The following COMMD9 variants were observed in gnomAD, a reference collection of about 807,000 sequenced individuals.
The protein encoded by COMMD9 is COMM domain-containing protein 9.
A neutral mutation model predicts 23.4 loss-of-function variants in COMMD9; 22 were observed. That is an observed-to-expected ratio of 0.94 (90% CI 0.67 to 1.34). The LOEUF is 1.34. Ranked by LOEUF, COMMD9 falls within the 40% of genes most tolerant of loss-of-function variation. COMMD9 has a pLI of 0.00. For missense variants in COMMD9, 231 were observed against 240.2 expected, an observed-to-expected ratio of 0.96 and a Z score of 0.25; for synonymous variants, 99 against 97.4, an observed-to-expected ratio of 1.02 and a Z score of -0.10.
intron 1 of COMMD9, among the ~76,000 whole-genome samples, chr11:36,288,632 C>T (rs1335008379): frequency 1.3e-5 from 2 of 152,062 alleles, no homozygotes; most frequent in East Asian, 1.9e-4. Flanking sequence ...GAAACCCCGT[C>T]TCTACTAAAA....
intron 1 of COMMD9, among the ~76,000 whole-genome samples, chr11:36,285,488 C>T (rs1229725551): frequency 6.6e-6 from 1 of 152,078 alleles, no homozygotes; most frequent in East Asian, 1.9e-4. Context: ...TGATGGAGTA[C>T]TCTCTAAATG....
intron 1 of COMMD9, 33 bp downstream of exon 1, chr11:36,289,329 C>G: frequency 6.5e-7 from 1 of 1,544,160 alleles, no homozygotes; most frequent in Non-Finnish European, 8.8e-7. Flanking sequence ...AGACAAAGGG[C>G]CACCTCACGC....
rs1855900607 is a variant in COMMD9, at chr11:36,272,808, C to T, written c.*1824G>A. 1 of 152,142 alleles carries T rather than the reference C, an allele frequency of 6.6e-6. No individual in the cohort carries two copies. Among genetic ancestry groups the T allele is most frequent in the African/African-American group, 2.4e-5 (1 of 41,428 alleles). The allele number at this position is 152,142 out of a possible 1,614,324, so 9.4% of individuals were successfully genotyped here. On this transcript the variant is annotated 3_prime_UTR_variant, in exon 6 of 6. Transcript: ENST00000263401. ...AGAATTATATGTTCCTTGCAAAGTC[C>T]TGTGTTGTAAAGAGAAAGCTAGAGA...
At position 36,276,181 on chromosome 11, in the gene COMMD9, T is replaced by C; in HGVS notation, c.412A>G (p.Ser138Gly). The C allele has an allele frequency of 6.2e-7, 1 of 1,614,188 alleles. No individual in the cohort carries two copies. Among genetic ancestry groups the C allele is most frequent in the Non-Finnish European group, 8.5e-7 (1 of 1,180,022 alleles). The change falls in exon 5 of 6, where the codon AGC (serine) becomes GGC (glycine). Residue 138 changes from serine (S) to glycine (G), a missense_variant. Coordinates refer to ENST00000263401, the MANE Select transcript of COMMD9 (RefSeq NM_014186.4). ...GTGGGGACGGCCATGCGGCTGATGCTGTCTGAGGAGGTTTTGATATCCACT... is the reference window on the plus strand; with the variant it reads ...GTGGGGACGGCCATGCGGCTGATGCCGTCTGAGGAGGTTTTGATATCCACT... ...WRVDIKTSSDSISRMAVPTCL... is the reference protein window; with the variant it reads ...WRVDIKTSSDGISRMAVPTCL...
Position 36,280,783 on chromosome 11 carries a change from C to T in COMMD9, c.106G>A (p.Ala36Thr). The change falls in exon 2 of 6, where the codon GCC becomes ACC. Residue 36 changes from alanine (A) to threonine (T), a missense_variant. By Grantham distance (58) the Ala-to-Thr change is moderately conservative. Coordinates refer to ENST00000263401, the MANE Select transcript of COMMD9 (RefSeq NM_014186.4). ...TCCAAGAGTTTTTTCAAGCCAAGGG[C>T]TGAACTGGAAAAGCTTTCTTGACAC... ...QLCQESFSSSALGLKKLLDVT... is the reference protein window; with the variant it reads ...QLCQESFSSSTLGLKKLLDVT... 2.5e-6 allele frequency: 4 copies of T among 1,610,138 alleles called. No individual in the cohort carries two copies. Among genetic ancestry groups the T allele is most frequent in the Non-Finnish European group, 3.4e-6 (4 of 1,177,346 alleles).
In COMMD9 at chr11:36,274,666, A is replaced by T; in HGVS notation, c.563T>A (p.Ile188Asn). 1 of 1,614,262 alleles carries T rather than the reference A, an allele frequency of 6.2e-7. No homozygotes were observed. The change falls in exon 6 of 6, where the codon ATC (isoleucine) becomes AAC (asparagine). Residue 188 changes from isoleucine (I) to asparagine (N), a missense_variant. By Grantham distance (149) the Ile-to-Asn change is moderately radical. Transcript: ENST00000263401. The stretch of plus-strand genomic sequence containing the variant: ...GGCCACGGCAGAGAGTTGGTCTCGG[A>T]TGCGGCCCAGGCCATCTAACATGGT... The part of the protein sequence containing the change: ...LDTMLDGLGR[I>N]RDQLSAVASK
chr11:36,277,060 AAGGG>A lies in COMMD9; in HGVS notation c.352+25_352+28del, dbSNP rs773314763. On this transcript the variant is annotated intron_variant, in intron 4 of 5. Coordinates refer to ENST00000263401, the MANE Select transcript of COMMD9 (RefSeq NM_014186.4). ...AGCTGGGGCTGGGGAGACAAGTAAGAAGGGAGGGGCAGATTTATTGGTACTCACT... is the reference window on the plus strand; with the variant it reads ...AGCTGGGGCTGGGGAGACAAGTAAGAAGGGGCAGATTTATTGGTACTCACT... The A allele has an allele frequency of 5.0e-6, 8 of 1,589,770 alleles. No homozygotes were observed. In the East Asian group the frequency reaches 1.6e-4, roughly 32 times the overall value.
At position 36,280,785 on chromosome 11, in the gene COMMD9, G is replaced by T; in HGVS notation, c.104C>A (p.Ser35Ter). 6.2e-7 allele frequency: 1 copy of T among 1,609,640 alleles called. No homozygotes were observed. The highest frequency in any genetic ancestry group is 8.5e-7 in the Non-Finnish European group (1 of 1,177,134). Residue 35 changes from serine to a stop codon, truncating the protein, a stop_gained, in exon 2 of 6, where the codon TCA becomes TAA. Transcript: ENST00000263401. LOFTEE classifies it high-confidence loss of function. ...RQLCQESFSS[S>*]ALGLKKLLDV... ...CAAGAGTTTTTTCAAGCCAAGGGCT[G>T]AACTGGAAAAGCTTTCTTGACACAG...
chr11:36,277,165 G>A, intron 3 of COMMD9, 42 bp from the exon 4 acceptor site: 1 of 1,488,812 alleles, frequency 6.7e-7, no homozygotes, highest in African/African-American at 1.4e-5. Context: ...ATGGAAAGGG[G>A]ATGAGACTGA....
At chr11:36,276,270 C>G (rs1855971577) in intron 4 of COMMD9, 30 bp from the exon 5 acceptor site, 1 of 1,497,656 alleles carries the variant, frequency 6.7e-7, no homozygotes, top group Non-Finnish European at 9.3e-7. Context: ...GCTCAATGCT[C>G]ATGCCGCCCG....
At chr11:36,284,064 C>T (rs978508712) in intron 1 of COMMD9, among the ~76,000 whole-genome samples, 2 of 152,098 alleles carry the variant, frequency 1.3e-5, no homozygotes, top group African/African-American at 4.8e-5. Flanking sequence ...CGAGATTGCA[C>T]CACTGCACTC....
At chr11:36,284,104 T>TCAACAACAA (rs79468939) in intron 1 of COMMD9, among the ~76,000 whole-genome samples, 383 of 149,580 alleles carry the variant, frequency 2.6e-3, no homozygotes, top group African/African-American at 5.6e-3. Flanking sequence ...AGACCCTGTC[T>TCAACAACAA]CAACAACAAC....
chr11:36,281,704 A>G (rs1336568407), intron 1 of COMMD9, among the ~76,000 whole-genome samples: 1 of 152,234 alleles, frequency 6.6e-6, no homozygotes, highest in African/African-American at 2.4e-5. Context: ...TAAAATTTAA[A>G]TAAAATCCAT....
In COMMD9 at chr11:36,276,197, GAT is replaced by G; in HGVS notation, c.394_395del (p.Ile132GlnfsTer66). 6.2e-7 allele frequency: 1 copy of G among 1,614,134 alleles called. No homozygotes were observed. The highest frequency in any genetic ancestry group is 2.2e-5 in the East Asian group (1 of 44,880). On this transcript the variant is annotated frameshift_variant, in exon 5 of 6. Coordinates refer to ENST00000263401, the MANE Select transcript of COMMD9 (RefSeq NM_014186.4). LOFTEE classifies it high-confidence loss of function. The part of the protein sequence containing the change: ...RLVDLDWRVD[I>X]KTSSDSISRM... ...GGCTGATGCTGTCTGAGGAGGTTTT[GAT>G]ATCCACTCTCCAGTCCAGATCGACC...
In COMMD9 at chr11:36,272,912, G is replaced by C. The variant is rs934935841; in HGVS notation, c.*1720C>G. On this transcript the variant is annotated 3_prime_UTR_variant, in exon 6 of 6. Transcript: ENST00000263401. ...ATGAGCTGGTTTCCTGGTCAATAAA[G>C]GGAGGATGATAATACTAATTCTCAC... 1 of 152,180 alleles carries C rather than the reference G, an allele frequency of 6.6e-6. No individual in the cohort carries two copies. Among genetic ancestry groups the C allele is most frequent in the African/African-American group, 2.4e-5 (1 of 41,444 alleles). The allele number at this position is 152,180 out of a possible 1,614,324, so 9.4% of individuals were successfully genotyped here.
At chr11:36,285,315 T>C (rs1856133300) in intron 1 of COMMD9, among the ~76,000 whole-genome samples, 1 of 152,160 alleles carries the variant, frequency 6.6e-6, no homozygotes, top group African/African-American at 2.4e-5. Flanking sequence ...TAATATGAAA[T>C]TGATCATCTG....
Position 36,277,126 on chromosome 11 carries a change from G to A in COMMD9, c.318-3C>T. ...GGGCTTCGGTTCTCCAAGTAGACCT[G>A]TTTAAGAGGGAAAGATGAGGAAAAA... On this transcript the variant is annotated splice_region_variant and splice_polypyrimidine_tract_variant and intron_variant, in intron 3 of 5. Transcript: ENST00000263401. 6.3e-7 allele frequency: 1 copy of A among 1,589,698 alleles called. No homozygotes were observed. Among genetic ancestry groups the A allele is most frequent in the East Asian group, 2.3e-5 (1 of 43,376 alleles).
At position 36,272,686 on chromosome 11, in the gene COMMD9, T is replaced by C. The variant is rs1855897782; in HGVS notation, c.*1946A>G. 6.6e-6 allele frequency: 1 copy of C among 152,256 alleles called. No individual in the cohort carries two copies. Among genetic ancestry groups the C allele is most frequent in the Non-Finnish European group, 1.5e-5 (1 of 68,052 alleles). 9.4% of individuals were successfully genotyped at this position (152,256 alleles called of 1,614,324 possible). ...GCAGATAAAGAAGAGCTTGGAATTT[T>C]TTTTCCCTTGACCTTCCTCGTATCT... On this transcript the variant is annotated 3_prime_UTR_variant, in exon 6 of 6. Transcript: ENST00000263401.
intron 1 of COMMD9, among the ~76,000 whole-genome samples, chr11:36,283,390 C>T (rs369773601): frequency 3.3e-5 from 5 of 151,896 alleles, no homozygotes; most frequent in Non-Finnish European, 7.4e-5. Flanking sequence ...TGGCTCTAAA[C>T]GTATATAGAG....
Sources: allele counts gnomAD v4.1 joint callset (sites outside exome capture counted in the v4.1 genomes callset), GRCh38; gene constraint gnomAD v4.1.1; transcripts MANE v1.5; gene names NCBI Gene and HGNC (gene_info 2026-07-23, HGNC 2026-07-21).